XG: variants seen among roughly 807,000 people sequenced by gnomAD.
XG encodes the protein glycoprotein Xg.
Under a neutral mutation model 25.7 loss-of-function variants are expected in XG, and 24 were observed. The ratio of observed to expected loss-of-function variants is 0.93; its 90% CI spans 0.68 to 1.31. The LOEUF (loss-of-function observed/expected upper bound fraction) is 1.31. Among genes scored for constraint, XG ranks in the 40% most tolerant of loss-of-function variants. XG has a pLI of 0.00. For synonymous variants in XG, 77 were observed against 69.2 expected, an observed-to-expected ratio of 1.11 and a Z score of -0.56; for missense variants, 181 against 187.6, an observed-to-expected ratio of 0.96 and a Z score of 0.21.
intron 2 of XG, among the ~76,000 whole-genome samples, chrX:2,772,112 T>C (rs2050831329): frequency 6.6e-6 from 1 of 152,100 alleles, no homozygotes; most frequent in South Asian, 2.1e-4. Context: ...GAGAACCCTG[T>C]GCAATAGTGA....
At chrX:2,765,503 A>G (rs1452559268) in intron 1 of XG, among the ~76,000 whole-genome samples, 1 of 152,164 alleles carries the variant, frequency 6.6e-6, no homozygotes, top group Admixed American at 6.5e-5. Context: ...GCCTGTCTGA[A>G]TTTACTAATG....
intron 3 of XG, among the ~76,000 whole-genome samples, chrX:2,777,832 G>A (rs758114569): frequency 2.6e-5 from 4 of 151,056 alleles, no homozygotes; most frequent in South Asian, 2.1e-4. Flanking sequence ...AAGCCGAGGC[G>A]GGTGGATCAC....
At chrX:2,779,418 T>C (rs1354723422) in intron 3 of XG, among the ~76,000 whole-genome samples, 7 of 151,620 alleles carry the variant, frequency 4.6e-5, no homozygotes, top group Admixed American at 3.9e-4. Context: ...ATGTTCCAAC[T>C]TCAGGCTCTG....
At chrX:2,795,175 T>C (rs2086872786) in intron 6 of XG, among the ~76,000 whole-genome samples, 1 of 107,611 alleles carries the variant, frequency 9.3e-6, no homozygotes, top group Non-Finnish European at 1.9e-5. Context: ...CATAGGTACA[T>C]GTTTTATATG....
intron 1 of XG, among the ~76,000 whole-genome samples, chrX:2,758,556 C>T (rs2050487289): frequency 6.6e-6 from 1 of 152,204 alleles, no homozygotes; most frequent in South Asian, 2.1e-4. Flanking sequence ...TCTATGCAGG[C>T]CCAAGGTGAC....
At chrX:2,754,973 G>A (rs1369519898) in intron 1 of XG, among the ~76,000 whole-genome samples, 1 of 152,196 alleles carries the variant, frequency 6.6e-6, no homozygotes, top group African/African-American at 2.4e-5. Flanking sequence ...GTAAACTGAG[G>A]CACTGAGGAT....
chrX:2,766,937 G>A (rs1440884874), intron 1 of XG, among the ~76,000 whole-genome samples: 1 of 152,092 alleles, frequency 6.6e-6, no homozygotes, highest in Non-Finnish European at 1.5e-5. Flanking sequence ...GCTGGCTTCG[G>A]GGGGAAAGGC....
chrX:2,766,710 G>T, intron 1 of XG, among the ~76,000 whole-genome samples: 1 of 150,974 alleles, frequency 6.6e-6, no homozygotes, highest in Non-Finnish European at 1.5e-5. Flanking sequence ...GACTACAGGC[G>T]CCCGCCACCA....
At chrX:2,775,722 G>A (rs1454327110) in intron 3 of XG, among the ~76,000 whole-genome samples, 2 of 151,632 alleles carry the variant, frequency 1.3e-5, no homozygotes, top group Non-Finnish European at 1.5e-5. Flanking sequence ...TTGAAAGGCC[G>A]AGGTGGGCAG....
At chrX:2,779,243 T>G (rs886882919) in intron 3 of XG, among the ~76,000 whole-genome samples, 39 of 147,620 alleles carry the variant, frequency 2.6e-4, no homozygotes, top group African/African-American at 9.8e-4. Context: ...GGCTGAGGCA[T>G]AAGAATCACT....
At chrX:2,756,822 T>C (rs942094701) in intron 1 of XG, among the ~76,000 whole-genome samples, 1 of 152,124 alleles carries the variant, frequency 6.6e-6, no homozygotes, top group African/African-American at 2.4e-5. Flanking sequence ...AGTGTGAGTG[T>C]TTTTGAGCTC....
intron 3 of XG, among the ~76,000 whole-genome samples, chrX:2,780,444 A>G (rs1426227607): frequency 6.6e-6 from 1 of 150,674 alleles, no homozygotes; most frequent in Non-Finnish European, 1.5e-5. Context: ...AAAAAAGTCA[A>G]TTAGGCCAGG....
intron 1 of XG, among the ~76,000 whole-genome samples, chrX:2,755,830 A>G (rs1272908669): frequency 6.6e-6 from 1 of 152,112 alleles, no homozygotes; most frequent in Non-Finnish European, 1.5e-5. Context: ...GAAATGGGGC[A>G]CATTCCCAAG....
chrX:2,755,040 G>T (rs1046029770), intron 1 of XG, among the ~76,000 whole-genome samples: 63 of 152,286 alleles, frequency 4.1e-4, no homozygotes, highest in Admixed American at 8.5e-4. Flanking sequence ...TGTCTGGGAA[G>T]ACTCCAGTGA....
At chrX:2,763,901 G>A (rs1276501080) in intron 1 of XG, among the ~76,000 whole-genome samples, 1 of 152,130 alleles carries the variant, frequency 6.6e-6, no homozygotes, top group East Asian at 1.9e-4. Context: ...TTAGTGGGAG[G>A]TGTTCGAACC....
intron 3 of XG, among the ~76,000 whole-genome samples, chrX:2,777,150 C>A (rs114908315): frequency 0.014 from 2,140 of 151,982 alleles, 46 homozygotes; most frequent in African/African-American, 0.048. Flanking sequence ...AAAGACATTG[C>A]AAACAAGCCG....
chrX:2,764,894 A>G lies in XG; in HGVS notation c.62-5656A>G, dbSNP rs180932188. Among the ~76,000 whole-genome samples the G allele has an allele frequency of 3.3e-5, 5 of 149,654 alleles. No individual in the cohort carries two copies. In the East Asian group the frequency reaches 9.9e-4, roughly 30 times the overall value. ...CGTCATTACTAAAAACACAAAAATTACCTGGGCGTAGTGGCATGCACCTGT... is the reference window on the plus strand; with the variant it reads ...CGTCATTACTAAAAACACAAAAATTGCCTGGGCGTAGTGGCATGCACCTGT... On this transcript the variant is annotated intron_variant, in intron 1 of 10. Transcript: ENST00000644266.
intron 5 of XG, 50 bp from the exon 6 acceptor site, chrX:2,794,485 G>C: frequency 8.5e-7 from 1 of 1,181,902 alleles, no homozygotes; most frequent in Non-Finnish European, 1.1e-6. Context: ...TGGTGTGAAG[G>C]GGACCTTTGG....
chrX:2,783,922 C>T (rs1350024538), intron 4 of XG, among the ~76,000 whole-genome samples: 2 of 112,110 alleles, frequency 1.8e-5, no homozygotes, highest in Admixed American at 1.9e-4. Flanking sequence ...TTACAGTGAG[C>T]CAAGATTGTG....
Sources: gnomAD v4.1 joint callset for allele counts (sites outside exome capture counted in the v4.1 genomes callset) on GRCh38, gnomAD v4.1.1 for gene constraint, MANE v1.5 for transcripts, NCBI Gene and HGNC (gene_info 2026-07-23, HGNC 2026-07-21) for gene names.